RNF213: variants seen among roughly 807,000 people sequenced by gnomAD.
RNF213 encodes the protein E3 ubiquitin-protein ligase RNF213.
A neutral mutation model predicts 514.4 loss-of-function variants in RNF213; 341 were observed. The observed-to-expected ratio is 0.66, with a 90% CI of 0.61 to 0.73. The LOEUF is 0.73. Among genes scored for constraint, RNF213 ranks in the 30% least tolerant of loss-of-function variants. The probability of loss-of-function intolerance (pLI) is 0.00; values close to 1 mark genes in which losing one functional copy is unlikely to be tolerated. For synonymous variants in RNF213, 2,655 were observed against 2,658.2 expected (o/e 1.00, Z 0.04); for missense variants, 5,767 against 6,615.6 (o/e 0.87, Z 4.45).
Position 80,349,802 on chromosome 17 carries a change from C to A in RNF213, c.9984C>A (p.His3328Gln). 1 of 1,614,154 alleles carries A rather than the reference C, an allele frequency of 6.2e-7. No homozygotes were observed. Among genetic ancestry groups the A allele is most frequent in the Non-Finnish European group, 8.5e-7 (1 of 1,179,994 alleles). Reference protein sequence around the residue: ...ITTFSRLLTSHDCEILESEVT... With the variant: ...ITTFSRLLTSQDCEILESEVT... ...CTTTCTCCAGGCTGCTAACAAGTCA[C>A]GACTGTGAAATTTTAGAATCAGAGG... Residue 3328 changes from histidine to glutamine, a missense_variant, in exon 30 of 68, where the codon CAC (histidine) becomes CAA (glutamine). By Grantham distance (24) the His-to-Gln change is conservative. Coordinates refer to ENST00000582970, the MANE Select transcript of RNF213 (RefSeq NM_001256071.3).
intron 18 of RNF213, among the ~76,000 whole-genome samples, 177 bp from the exon 19 acceptor site, chr17:80,327,639 C>T (rs756565129): frequency 6.6e-6 from 1 of 152,138 alleles, no homozygotes; most frequent in Non-Finnish European, 1.5e-5. Context: ...ACCTAACCCT[C>T]GTGGGGGAAA....
chr17:80,381,276 T>A (rs536579478), intron 56 of RNF213: 1 of 595,020 alleles, frequency 1.7e-6, no homozygotes, highest in African/African-American at 1.8e-5. Context: ...TACCTGTGTC[T>A]TCATTGTAGC....
At chr17:80,307,441 A>G (rs2045408603) in intron 13 of RNF213, among the ~76,000 whole-genome samples, 2 of 144,220 alleles carry the variant, frequency 1.4e-5, no homozygotes, top group Admixed American at 1.5e-4. Context: ...TTAGCTCACT[A>G]CAACTTCTAT....
In RNF213 at chr17:80,288,463, G is replaced by A; in HGVS notation, c.810+100G>A. The A allele has an allele frequency of 2.5e-6, 4 of 1,591,418 alleles. No individual in the cohort carries two copies. The South Asian group carries it at 3.3e-5, about 13-fold the overall frequency. ...CGTTGCTTCCCTGCCGGGGGGAGGGGCGTCCTCTGGGCCCTGCTCCCTGGG... is the reference window on the plus strand; with the variant it reads ...CGTTGCTTCCCTGCCGGGGGGAGGGACGTCCTCTGGGCCCTGCTCCCTGGG... On this transcript the variant is annotated intron_variant, in intron 4 of 67. Transcript: ENST00000582970. This position sits in a 1 kb window ranked among gnomAD's most constrained non-coding sequence, Gnocchi z 4.9.
Position 80,393,899 on chromosome 17 carries a change from CAA to C in RNF213, c.*404_*405del, listed in dbSNP as rs2080583712. 9.5e-6 allele frequency: 2 copies of C among 209,546 alleles called. No individual in the cohort carries two copies. Among genetic ancestry groups the C allele is most frequent in the African/African-American group, 4.7e-5 (2 of 42,970 alleles). 13.0% of individuals were successfully genotyped at this position (209,546 alleles called of 1,614,324 possible). On this transcript the variant is annotated 3_prime_UTR_variant, in exon 68 of 68. Coordinates refer to ENST00000582970, the MANE Select transcript of RNF213 (RefSeq NM_001256071.3). Reference sequence around the variant, plus strand: ...TTTTTTTCTTCTAATTCTGTACTCACAAAAGAGAATCTCATTTTCTTCTTTCT... The same window carrying C: ...TTTTTTTCTTCTAATTCTGTACTCACAAGAGAATCTCATTTTCTTCTTTCT...
At chr17:80,292,788 C>T (rs1426503700) in intron 8 of RNF213, among the ~76,000 whole-genome samples, 3 of 152,100 alleles carry the variant, frequency 2.0e-5, no homozygotes, top group Non-Finnish European at 2.9e-5. Flanking sequence ...TCCTGGGCTT[C>T]CCCTCGCTCC....
intron 56 of RNF213, 101 bp from the exon 57 acceptor site, chr17:80,381,446 G>A (rs1279457817): frequency 7.0e-5 from 89 of 1,275,634 alleles, no homozygotes; most frequent in Middle Eastern, 1.8e-4. Context: ...ACCGCCTTCC[G>A]ACTCTATGCT....
intron 11 of RNF213, 187 bp downstream of exon 11, chr17:80,298,705 C>G (rs1162302892): frequency 2.6e-5 from 17 of 653,340 alleles, no homozygotes; most frequent in Non-Finnish European, 4.5e-5. Context: ...TGGCTCACGC[C>G]TGTAATCCCA....
chr17:80,262,406 G>C (rs1384049542), intron 1 of RNF213, among the ~76,000 whole-genome samples: 1 of 152,178 alleles, frequency 6.6e-6, no homozygotes, highest in Non-Finnish European at 1.5e-5. Flanking sequence ...TGGGACAGGG[G>C]CTTGGGGCTG....
At chr17:80,359,341 C>T (rs982824349) in intron 37 of RNF213, among the ~76,000 whole-genome samples, 3 of 151,806 alleles carry the variant, frequency 2.0e-5, no homozygotes, top group African/African-American at 7.3e-5. Context: ...GCTTGGGCAA[C>T]ATAGTGAGAC....
intron 25 of RNF213, 60 bp downstream of exon 25, chr17:80,338,057 G>T: frequency 1.3e-6 from 2 of 1,521,718 alleles, no homozygotes; most frequent in Non-Finnish European, 1.8e-6. Context: ...CGTGAGGGCT[G>T]TGTACTCCCA....
rs1333992605 is a variant in RNF213, at chr17:80,377,152, G to A, written c.13510+189G>A. ...GGAGCTGGCACTCCGCCGGCTAGAT[G>A]ATCCAAACCATTTCATTTCTTTGTC... On this transcript the variant is annotated intron_variant, in intron 53 of 67. Transcript: ENST00000582970. This position sits in a 1 kb window ranked among gnomAD's most constrained non-coding sequence, Gnocchi z 4.1. 5 of 618,268 alleles carry A rather than the reference G, an allele frequency of 8.1e-6. No homozygotes were observed. Among genetic ancestry groups the A allele is most frequent in the Non-Finnish European group, 1.2e-5 (4 of 343,620 alleles). 38.3% of individuals were successfully genotyped at this position (618,268 alleles called of 1,614,324 possible).
At chr17:80,355,523 AG>A (rs56771841) in intron 36 of RNF213, among the ~76,000 whole-genome samples, 366 of 7,626 alleles carry the variant, frequency 0.048, 17 homozygotes, top group African/African-American at 0.14. Context: ...GGGGGCTTAC[AG>A]GGGGAAGAAG....
chr17:80,364,026 C>T (rs1335969539), intron 41 of RNF213, among the ~76,000 whole-genome samples: 1 of 152,132 alleles, frequency 6.6e-6, no homozygotes, highest in Non-Finnish European at 1.5e-5. Context: ...GTACTGGGGC[C>T]GTAGAAAGGC....
At chr17:80,295,856 A>G (rs1415066870) in intron 10 of RNF213, 43 bp downstream of exon 10, 1 of 1,607,852 alleles carries the variant, frequency 6.2e-7, no homozygotes, top group South Asian at 1.1e-5. Context: ...AGCTATTATA[A>G]TGATTTTCTC....
Position 80,336,237 on chromosome 17 carries a change from G to A in RNF213, c.4386G>A (p.Val1462=). The A allele has an allele frequency of 6.5e-7, 1 of 1,537,210 alleles. No homozygotes were observed. The highest frequency in any genetic ancestry group is 1.4e-5 in the African/African-American group (1 of 73,154). Residue 1462 remains valine, a synonymous_variant, in exon 23 of 68, where the codon GTG becomes GTA. Transcript: ENST00000582970. ...AGAATGACATTGATGTGGACCGGGT[G>A]GCCTGCTTCCATGACGCTGTGCAGG... ...AGENDIDVDR[V]ACFHDAVQGY...
At chr17:80,324,897 T>A in intron 17 of RNF213, 133 bp from the exon 18 acceptor site, 2 of 851,552 alleles carry the variant, frequency 2.3e-6, no homozygotes, top group African/African-American at 1.7e-5. Flanking sequence ...ACTATTTTGC[T>A]CTTTTTGTGG....
Position 80,332,250 on chromosome 17 carries a change from AGAGTTGCT to A in RNF213, c.3767_3774del (p.Leu1256Ter). On this transcript the variant is annotated frameshift_variant, in exon 21 of 68. Coordinates refer to ENST00000582970, the MANE Select transcript of RNF213 (RefSeq NM_001256071.3). LOFTEE classifies it high-confidence loss of function. ...AGCCTAAGGAGGACCAGGAAGCCGC[AGAGTTGCT>A]GAGTGAGCCCGAAGAAGAATCAGAA... 6.5e-7 allele frequency: 1 copy of A among 1,537,238 alleles called. No individual in the cohort carries two copies. Among genetic ancestry groups the A allele is most frequent in the Non-Finnish European group, 8.7e-7 (1 of 1,146,912 alleles).
At position 80,363,760 on chromosome 17, in the gene RNF213, G is replaced by A. The variant is rs1201536053; in HGVS notation, c.11720G>A (p.Ser3907Asn). ...GATGAGCACATGCAAGGCAGCGGGA[G>A]CCTGGCCCAGGCTGTCATCAGGGAA... is the stretch of plus-strand genomic sequence containing the variant. ...CSDEHMQGSG[S>N]LAQAVIREVR... is the part of the protein sequence containing the mutation. The change falls in exon 41 of 68, where the codon AGC (serine) becomes AAC (asparagine). Residue 3907 changes from serine (S) to asparagine (N), a missense_variant. Physicochemically the swap from Ser to Asn is conservative, Grantham distance 46. Coordinates refer to ENST00000582970, the MANE Select transcript of RNF213 (RefSeq NM_001256071.3). 3 of 1,613,544 alleles carry A rather than the reference G, an allele frequency of 1.9e-6. No homozygotes were observed. Among genetic ancestry groups the A allele is most frequent in the Admixed American group, 3.3e-5 (2 of 60,000 alleles).
Sources: allele counts gnomAD v4.1 joint callset (sites outside exome capture counted in the v4.1 genomes callset), GRCh38; gene constraint gnomAD v4.1.1; non-coding constraint Gnocchi (gnomAD v3.1); transcripts MANE v1.5; gene names NCBI Gene and HGNC (gene_info 2026-07-23, HGNC 2026-07-21).